Variants in MINDY4 observed in about 807,000 individuals in gnomAD.
MINDY4 encodes the protein probable ubiquitin carboxyl-terminal hydrolase MINDY-4.
A neutral mutation model predicts 87.0 loss-of-function variants in MINDY4; 68 were observed. The observed-to-expected ratio is 0.78, with a 90% CI of 0.64 to 0.96. The LOEUF is 0.96. Ranked by LOEUF, MINDY4 falls within the 40% of genes least tolerant of loss-of-function variation. The probability of loss-of-function intolerance (pLI) is 0.00; values close to 1 mark genes in which losing one functional copy is unlikely to be tolerated. For synonymous variants in MINDY4, 379 were observed against 363.2 expected (o/e 1.04, Z -0.50); for missense variants, 919 against 928.2 (o/e 0.99, Z 0.13).
chr7:30,859,393 A>T, intron 13 of MINDY4, 69 bp downstream of exon 13: 1 of 1,431,894 alleles, frequency 7.0e-7, no homozygotes, highest in Non-Finnish European at 9.8e-7. Context: ...GCCTCGCTAG[A>T]GCCCAGGATG....
chr7:30,863,869 C>T (rs538849499), intron 13 of MINDY4, among the ~76,000 whole-genome samples: 1 of 152,338 alleles, frequency 6.6e-6, no homozygotes, highest in Non-Finnish European at 1.5e-5. Flanking sequence ...GGATTTCATG[C>T]TTGCCAAGCT....
Position 30,791,572 on chromosome 7 carries a change from C to A in MINDY4, c.1071C>A (p.Val357=). 6.2e-7 allele frequency: 1 copy of A among 1,608,454 alleles called. No homozygotes were observed. Residue 357 remains valine, a splice_region_variant and synonymous_variant, in exon 5 of 18, where the codon GTC becomes GTA. Coordinates refer to ENST00000265299, the MANE Select transcript of MINDY4 (RefSeq NM_032222.3). ...GGCAGGGCAGCCAGCCCGCACCTGT[C>A]AGGTGAGTGTGCTATGCAAAGGTGA... is the stretch of plus-strand genomic sequence containing the variant. The part of the protein sequence containing the change: ...FKRQGSQPAP[V]RKNQLLPSDK...
At position 30,854,717 on chromosome 7, in the gene MINDY4, G is replaced by A. The variant is rs374795355; in HGVS notation, c.1677+1258G>A. ...AGCTCCTGCTGTCAGACTGCCTTCCGCAGAACTTTCCCAAAGACCCTGAAG... is the reference window on the plus strand; with the variant it reads ...AGCTCCTGCTGTCAGACTGCCTTCCACAGAACTTTCCCAAAGACCCTGAAG... On this transcript the variant is annotated intron_variant, in intron 12 of 17. Coordinates refer to ENST00000265299, the MANE Select transcript of MINDY4 (RefSeq NM_032222.3). 1.6e-4 allele frequency among the ~76,000 whole-genome samples: 25 copies of A among 152,334 alleles called. 1 individual carries two copies. Among genetic ancestry groups the A allele is most frequent in the African/African-American group, 6.0e-4 (25 of 41,582 alleles).
chr7:30,855,323 A>T (rs546025977), intron 12 of MINDY4, among the ~76,000 whole-genome samples: 38 of 152,380 alleles, frequency 2.5e-4, no homozygotes, highest in Admixed American at 4.6e-4. Context: ...AGTACTAGGC[A>T]GTCTGAAGGA....
At chr7:30,803,101 C>G (rs1019068758) in intron 5 of MINDY4, 1 of 152,276 alleles carries the variant, frequency 6.6e-6, no homozygotes, top group Non-Finnish European at 1.5e-5. Context: ...TTTAAGTCGT[C>G]TGGAATGTTG....
At chr7:30,819,254 C>CGT (rs1788251511) in intron 5 of MINDY4, among the ~76,000 whole-genome samples, 1 of 152,232 alleles carries the variant, frequency 6.6e-6, no homozygotes, top group African/African-American at 2.4e-5. Context: ...TTAATGTTAA[C>CGT]CATTTTGAAA....
At chr7:30,861,544 T>C (rs753107804) in intron 13 of MINDY4, among the ~76,000 whole-genome samples, 6 of 152,196 alleles carry the variant, frequency 3.9e-5, no homozygotes, top group Non-Finnish European at 5.9e-5. Flanking sequence ...GGTTTGCTGT[T>C]TGAAAACCTG....
chr7:30,772,755 CT>C (rs780874735), intron 1 of MINDY4, among the ~76,000 whole-genome samples: 1 of 152,178 alleles, frequency 6.6e-6, no homozygotes. Flanking sequence ...CTGCCATCAC[CT>C]GTCCTGGCTG....
intron 13 of MINDY4, among the ~76,000 whole-genome samples, chr7:30,866,016 A>C (rs1584334744): frequency 2.6e-5 from 4 of 152,326 alleles, no homozygotes; most frequent in African/African-American, 9.6e-5. Context: ...GGGCTAAAGC[A>C]AGCCAACTGT....
At chr7:30,847,700 CTATA>C (rs1283765979) in intron 9 of MINDY4, among the ~76,000 whole-genome samples, 3 of 149,760 alleles carry the variant, frequency 2.0e-5, no homozygotes, top group Non-Finnish European at 4.5e-5. Flanking sequence ...GATAAATACT[CTATA>C]TATGTGTGTG....
intron 5 of MINDY4, among the ~76,000 whole-genome samples, chr7:30,815,320 G>C (rs1323288227): frequency 6.6e-6 from 1 of 152,190 alleles, no homozygotes; most frequent in Non-Finnish European, 1.5e-5. Flanking sequence ...ACCATCCTTG[G>C]GAGGCAGCCT....
intron 5 of MINDY4, among the ~76,000 whole-genome samples, chr7:30,809,046 T>C: frequency 6.6e-6 from 1 of 151,268 alleles, no homozygotes. Context: ...GAGAGAGATA[T>C]ATAAGTAGTT....
At chr7:30,854,272 A>C (rs1321620956) in intron 12 of MINDY4, among the ~76,000 whole-genome samples, 5 of 152,208 alleles carry the variant, frequency 3.3e-5, no homozygotes, top group African/African-American at 9.7e-5. Flanking sequence ...GGTCAGAAGA[A>C]CAGTGCCTGC....
intron 4 of MINDY4, among the ~76,000 whole-genome samples, chr7:30,787,964 CAGT>C (rs1787203429): frequency 6.6e-6 from 1 of 152,114 alleles, no homozygotes; most frequent in Admixed American, 6.5e-5. Context: ...TTAAAAATAA[CAGT>C]AGTAAACCTG....
intron 15 of MINDY4, among the ~76,000 whole-genome samples, chr7:30,877,905 C>T (rs1790324147): frequency 7.5e-6 from 1 of 133,560 alleles, no homozygotes; most frequent in African/African-American, 2.8e-5. Context: ...GTCTTGAACT[C>T]CTGACCTCAA....
intron 5 of MINDY4, among the ~76,000 whole-genome samples, chr7:30,809,903 C>A (rs141424907): frequency 1.3e-5 from 2 of 151,888 alleles, no homozygotes; most frequent in Non-Finnish European, 2.9e-5. Flanking sequence ...TTAGGCCGGG[C>A]GCAGTGGCTC....
At chr7:30,874,749 C>T (rs138948040) in intron 14 of MINDY4, among the ~76,000 whole-genome samples, 2 of 152,310 alleles carry the variant, frequency 1.3e-5, no homozygotes, top group African/African-American at 2.4e-5. Flanking sequence ...GAAGTACCTT[C>T]CTCGGCTTTC....
At chr7:30,810,576 C>T (rs1357170667) in intron 5 of MINDY4, among the ~76,000 whole-genome samples, 2 of 151,930 alleles carry the variant, frequency 1.3e-5, no homozygotes, top group Non-Finnish European at 2.9e-5. Flanking sequence ...GTGAACTGGA[C>T]ATTAAAGTAA....
intron 9 of MINDY4, among the ~76,000 whole-genome samples, chr7:30,846,029 CG>C (rs1483621739): frequency 6.6e-6 from 1 of 152,206 alleles, no homozygotes; most frequent in Non-Finnish European, 1.5e-5. Flanking sequence ...CCCTCAGAGG[CG>C]GGTGCGGATC....
Sources: allele counts gnomAD v4.1 joint callset (sites outside exome capture counted in the v4.1 genomes callset), GRCh38; gene constraint gnomAD v4.1.1; transcripts MANE v1.5; gene names NCBI Gene and HGNC (gene_info 2026-07-23, HGNC 2026-07-21).